The following NALF2 variants were observed in gnomAD, a reference collection of about 807,000 sequenced individuals.
The protein encoded by NALF2 is bB57D9.1 (TED protein).
In NALF2, 1 loss-of-function variant was observed where a neutral mutation model predicts 24.8. The observed-to-expected ratio is 0.04, with a 90% CI of 0.01 to 0.19. The LOEUF is 0.19. Among genes scored for constraint, NALF2 ranks in the 10% least tolerant of loss-of-function variants. NALF2 has a pLI of 1.00. For synonymous variants in NALF2, 254 were observed against 189.8 expected (o/e 1.34, Z -2.78); for missense variants, 458 against 409.6 (o/e 1.12, Z -1.02).
At position 69,529,176 on chromosome X, in the gene NALF2, G is replaced by A; in HGVS notation, c.1033+12G>A. ...CTTTATCTGTACAGGTAAAGGCAGG[G>A]CACTGGGGAAGAGGGAGGAGGCCGG... On this transcript the variant is annotated intron_variant, in intron 2 of 2. Coordinates refer to ENST00000252338, the MANE Select transcript of NALF2 (RefSeq NM_015686.3). 8.3e-7 allele frequency: 1 copy of A among 1,200,779 alleles called. No homozygotes were observed. Among genetic ancestry groups the A allele is most frequent in the South Asian group, 1.8e-5 (1 of 54,604 alleles).
intron 1 of NALF2, among the ~76,000 whole-genome samples, chrX:69,514,412 G>A (rs997217504): frequency 9.0e-6 from 1 of 110,838 alleles, no homozygotes; most frequent in African/African-American, 3.3e-5. Context: ...CCTTTTTATG[G>A]CTGAGTAATA....
chrX:69,505,767 C>T lies in NALF2; in HGVS notation c.485C>T (p.Pro162Leu), dbSNP rs1930462946. 2.5e-6 allele frequency: 3 copies of T among 1,211,508 alleles called. No homozygotes were observed. The highest frequency in any genetic ancestry group is 3.5e-5 in the African/African-American group (2 of 57,896). ...SLQRLFEPTT[P>L]APPLRPPDSL... ...CAGAGACTTTTCGAACCGACTACTC[C>T]GGCCCCCCCTCTGCGGCCCCCTGAC... Residue 162 changes from proline (P) to leucine (L), a missense_variant, in exon 1 of 3, where the codon CCG becomes CTG. Pro to Leu is a moderately conservative substitution (Grantham distance 98, BLOSUM62 -3). Transcript: ENST00000252338.
intron 1 of NALF2, among the ~76,000 whole-genome samples, chrX:69,523,087 G>A (rs1254682454): frequency 8.9e-6 from 1 of 112,557 alleles, no homozygotes; most frequent in Admixed American, 9.3e-5. Context: ...CTGGCCAAGG[G>A]CCCCAAGGGT....
At chrX:69,511,224 A>T (rs1304384133) in intron 1 of NALF2, among the ~76,000 whole-genome samples, 1 of 98,111 alleles carries the variant, frequency 1.0e-5, no homozygotes, top group Non-Finnish European at 2.0e-5. Flanking sequence ...ATTCCACATT[A>T]CTCCCCCTAT....
chrX:69,524,637 C>CA (rs1320480537), intron 1 of NALF2, among the ~76,000 whole-genome samples: 1 of 86,247 alleles, frequency 1.2e-5, no homozygotes, highest in East Asian at 5.7e-4. Context: ...GCCCAAACAA[C>CA]CTCCCCCGTC....
At chrX:69,522,922 G>A (rs775607984) in intron 1 of NALF2, among the ~76,000 whole-genome samples, 1 of 112,583 alleles carries the variant, frequency 8.9e-6, no homozygotes, top group South Asian at 3.7e-4. Context: ...CTCTGACTTG[G>A]CTAAGCCAAC....
chrX:69,505,265 C>T lies in NALF2; in HGVS notation c.-18C>T. 1 of 1,135,684 alleles carries T rather than the reference C, an allele frequency of 8.8e-7. No homozygotes were observed. The highest frequency in any genetic ancestry group is 1.2e-6 in the Non-Finnish European group (1 of 859,165). The allele number at this position is 1,135,684 out of a possible 1,213,427, so 93.6% of individuals were successfully genotyped here. A position where few individuals can be genotyped will look rare whatever the true frequency, so the allele number is the denominator to read the frequency against. ...CCTCGCGCCTGCCTGTTCCCTCCAG[C>T]CCGGACCCCCCTGAAATATGTTCAG... On this transcript the variant is annotated 5_prime_UTR_variant, in exon 1 of 3. Transcript: ENST00000252338.
intron 1 of NALF2, among the ~76,000 whole-genome samples, chrX:69,517,638 G>T (rs1470716188): frequency 8.9e-6 from 1 of 112,163 alleles, no homozygotes; most frequent in Non-Finnish European, 1.9e-5. Context: ...AAGGTAATTT[G>T]TGAACAGGAG....
chrX:69,517,344 A>G (rs1322603158), intron 1 of NALF2, among the ~76,000 whole-genome samples: 3 of 111,155 alleles, frequency 2.7e-5, no homozygotes, highest in Admixed American at 9.6e-5. Context: ...CCCCATTGTT[A>G]TTATTATTAT....
intron 1 of NALF2, among the ~76,000 whole-genome samples, chrX:69,527,433 T>C (rs1349353702): frequency 9.0e-6 from 1 of 111,351 alleles, no homozygotes; most frequent in Non-Finnish European, 1.9e-5. Context: ...CAGCAGTTAT[T>C]TGTAGTTTAG....
At chrX:69,511,893 T>A (rs901907803) in intron 1 of NALF2, among the ~76,000 whole-genome samples, 1 of 111,710 alleles carries the variant, frequency 9.0e-6, no homozygotes, top group Non-Finnish European at 1.9e-5. Context: ...AAGGAAAGGG[T>A]ATACTCACTT....
intron 1 of NALF2, among the ~76,000 whole-genome samples, chrX:69,513,404 G>A (rs554640497): frequency 8.9e-6 from 1 of 112,372 alleles, no homozygotes; most frequent in African/African-American, 3.2e-5. Flanking sequence ...CCCTAAACTT[G>A]AACACCTAGG....
chrX:69,531,890 T>G lies in NALF2; in HGVS notation c.*1934T>G, dbSNP rs756642370. 8.9e-6 allele frequency: 1 copy of G among 111,795 alleles called. No individual in the cohort carries two copies. The highest frequency in any genetic ancestry group is 1.9e-5 in the Non-Finnish European group (1 of 53,064). The allele number at this position is 111,795 out of a possible 1,213,427, so 9.2% of individuals were successfully genotyped here. ...GCTGGCTCCTTTCCAGACATGCTTA[T>G]GTATAAGTAAAGGGGCAGGTGCTTG... On this transcript the variant is annotated 3_prime_UTR_variant, in exon 3 of 3. Coordinates refer to ENST00000252338, the MANE Select transcript of NALF2 (RefSeq NM_015686.3).
At chrX:69,507,526 A>T (rs1279164067) in intron 1 of NALF2, among the ~76,000 whole-genome samples, 1 of 111,097 alleles carries the variant, frequency 9.0e-6, no homozygotes, top group Non-Finnish European at 1.9e-5. Flanking sequence ...ACTGCCATAC[A>T]CCATCACCAC....
intron 1 of NALF2, among the ~76,000 whole-genome samples, 172 bp from the exon 2 acceptor site, chrX:69,528,821 T>C (rs1930847059): frequency 8.9e-6 from 1 of 111,979 alleles, no homozygotes; most frequent in South Asian, 3.7e-4. Flanking sequence ...ATCGGAGATC[T>C]TAGGTAAGAT....
chrX:69,520,463 C>T (rs1232321336), intron 1 of NALF2, among the ~76,000 whole-genome samples: 1 of 111,710 alleles, frequency 9.0e-6, no homozygotes, highest in Non-Finnish European at 1.9e-5. Flanking sequence ...AGTCATATGG[C>T]CGTGCCTAAC....
At position 69,523,834 on chromosome X, in the gene NALF2, C is replaced by G. The variant is rs1014229101; in HGVS notation, c.862-5159C>G. 9.8e-5 allele frequency among the ~76,000 whole-genome samples: 11 copies of G among 111,975 alleles called. No homozygotes were observed. The Admixed American group carries it at 1.0e-3, about 11-fold the overall frequency. ...CCAGAGCAGGCCTGGTTCTCCTCAGCTCTCCTCCCCTCCCCATGCCCTGTG... is the reference window on the plus strand; with the variant it reads ...CCAGAGCAGGCCTGGTTCTCCTCAGGTCTCCTCCCCTCCCCATGCCCTGTG... On this transcript the variant is annotated intron_variant, in intron 1 of 2. Coordinates refer to ENST00000252338, the MANE Select transcript of NALF2 (RefSeq NM_015686.3).
rs149735835 is a variant in NALF2, at chrX:69,516,962, G to T, written c.861+10819G>T. On this transcript the variant is annotated intron_variant, in intron 1 of 2. Transcript: ENST00000252338. ...GAATGGACTACGTAGACTGATTTTA[G>T]AGTCACGCCTCCCATCCAGACATAC... 9.7e-4 allele frequency among the ~76,000 whole-genome samples: 109 copies of T among 111,826 alleles called. No homozygotes were observed. In the East Asian group the frequency reaches 0.026, roughly 27 times the overall value.
At chrX:69,517,651 G>A (rs891143086) in intron 1 of NALF2, among the ~76,000 whole-genome samples, 1 of 112,077 alleles carries the variant, frequency 8.9e-6, no homozygotes, top group African/African-American at 3.3e-5. Context: ...AACAGGAGGT[G>A]AAGTATCTAT....
Sources: allele counts gnomAD v4.1 joint callset (sites outside exome capture counted in the v4.1 genomes callset), GRCh38; gene constraint gnomAD v4.1.1; transcripts MANE v1.5; gene names NCBI Gene and HGNC (gene_info 2026-07-23, HGNC 2026-07-21).